ALS2CL: variants seen among roughly 807,000 people sequenced by gnomAD.
ALS2CL encodes ALS2 C-terminal like.
In ALS2CL, 112 loss-of-function variants were observed where a neutral mutation model predicts 127.9. The ratio of observed to expected loss-of-function variants is 0.88; its 90% CI spans 0.75 to 1.02. ALS2CL has a LOEUF of 1.02. Ranked by LOEUF, ALS2CL falls within the 50% of genes least tolerant of loss-of-function variation. The pLI is 0.00. For missense variants in ALS2CL, 1,174 were observed against 1,236.7 expected (o/e 0.95, Z 0.76); for synonymous variants, 519 against 527.6 (o/e 0.98, Z 0.22).
intron 25 of ALS2CL, 89 bp from the exon 26 acceptor site, chr3:46,671,153 C>T: frequency 7.3e-7 from 1 of 1,369,440 alleles, no homozygotes; most frequent in Non-Finnish European, 1.0e-6. Context: ...CTGTGTGCAC[C>T]CACCTCCCAA....
chr3:46,693,590 G>T (rs935156989), intron 1 of ALS2CL, 53 bp downstream of exon 1: 3 of 152,384 alleles, frequency 2.0e-5, no homozygotes. Context: ...GACGAGCTAA[G>T]CGTGGAGCGC....
chr3:46,693,059 T>G (rs1356345217), intron 1 of ALS2CL, among the ~76,000 whole-genome samples: 1 of 152,088 alleles, frequency 6.6e-6, no homozygotes, highest in Non-Finnish European at 1.5e-5. Context: ...GAGGGGGCGC[T>G]GAACTGTCAC....
chr3:46,689,184 G>A (rs554463784), intron 2 of ALS2CL, among the ~76,000 whole-genome samples, 154 bp downstream of exon 2: 16 of 152,310 alleles, frequency 1.1e-4, no homozygotes, highest in African/African-American at 2.9e-4. Context: ...AGCCAAGATC[G>A]CACCACCTGC....
In ALS2CL at chr3:46,672,206, A is replaced by C. The variant is rs1268792967; in HGVS notation, c.2473-5T>G. On this transcript the variant is annotated splice_region_variant and splice_polypyrimidine_tract_variant and intron_variant, in intron 22 of 25. Transcript: ENST00000318962. The stretch of plus-strand genomic sequence containing the variant: ...GTCCCTGACCAGGGAGTACCTCTGC[A>C]TGGTGGAGGGAGTGGGCTGGATGAG... 6.2e-7 allele frequency: 1 copy of C among 1,613,788 alleles called. No individual in the cohort carries two copies.
At chr3:46,693,332 T>C (rs934127282) in intron 1 of ALS2CL, among the ~76,000 whole-genome samples, 24 of 152,240 alleles carry the variant, frequency 1.6e-4, no homozygotes, top group Non-Finnish European at 3.1e-4. Flanking sequence ...CCTTCCGCCC[T>C]AACCAGCCGG....
chr3:46,676,566 T>C, intron 18 of ALS2CL, 76 bp downstream of exon 18: 1 of 1,564,164 alleles, frequency 6.4e-7, no homozygotes, highest in Non-Finnish European at 8.7e-7. Context: ...AGCACCCTGC[T>C]ATGAAAAATG....
chr3:46,693,479 G>A (rs1443705954), intron 1 of ALS2CL, 164 bp downstream of exon 1: 1 of 152,542 alleles, frequency 6.6e-6, no homozygotes, highest in Admixed American at 6.5e-5. Context: ...CTGTGAGCGG[G>A]GTATCTTACG....
intron 16 of ALS2CL, 61 bp from the exon 17 acceptor site, chr3:46,677,083 A>T: frequency 1.3e-6 from 2 of 1,538,114 alleles, no homozygotes; most frequent in South Asian, 2.5e-5. Flanking sequence ...GGTAGGCAGG[A>T]CTCTGCCCAG....
At chr3:46,676,185 C>A in intron 19 of ALS2CL, 60 bp downstream of exon 19, 11 of 1,574,998 alleles carry the variant, frequency 7.0e-6, no homozygotes, top group South Asian at 2.3e-5. Context: ...AGAACTGATG[C>A]CTGGAAAGGG....
rs116966100 is a variant in ALS2CL, at chr3:46,692,901, G to A, written c.-26+742C>T. Among the ~76,000 whole-genome samples, 445 of 152,332 alleles carry A rather than the reference G, an allele frequency of 2.9e-3. 25 individuals carry two copies. The East Asian group carries it at 0.075, about 26-fold the overall frequency. On this transcript the variant is annotated intron_variant, in intron 1 of 25. Coordinates refer to ENST00000318962, the MANE Select transcript of ALS2CL (RefSeq NM_147129.5). Reference sequence around the variant, plus strand: ...GCTCCTTAGGCCCCTGACACACCTTGTCGTGACACTCACTCACTCTGGTAT... The same window carrying A: ...GCTCCTTAGGCCCCTGACACACCTTATCGTGACACTCACTCACTCTGGTAT...
chr3:46,689,570 C>T (rs983997927), intron 1 of ALS2CL, 105 bp from the exon 2 acceptor site: 67 of 681,716 alleles, frequency 9.8e-5, no homozygotes, highest in Middle Eastern at 4.2e-4. Flanking sequence ...CCACCCACAT[C>T]AGAACTGAGC....
Position 46,681,686 on chromosome 3 carries a change from C to A in ALS2CL, c.1176-88G>T. 1 of 1,324,212 alleles carries A rather than the reference C, an allele frequency of 7.6e-7. No individual in the cohort carries two copies. Among genetic ancestry groups the A allele is most frequent in the South Asian group, 1.3e-5 (1 of 79,692 alleles). The allele number at this position is 1,324,212 out of a possible 1,614,324, so 82.0% of individuals were successfully genotyped here. A position where few individuals can be genotyped will look rare whatever the true frequency, so the allele number is the denominator to read the frequency against. Reference sequence around the variant, plus strand: ...CATGCCACCCAGGAGTATCCCTGCCCCCAAGGAGCCTTCCAGACAACAGGG... The same window carrying A: ...CATGCCACCCAGGAGTATCCCTGCCACCAAGGAGCCTTCCAGACAACAGGG... On this transcript the variant is annotated intron_variant, in intron 11 of 25. Transcript: ENST00000318962. The surrounding 1 kb of genome is among the most constrained non-coding windows in gnomAD (Gnocchi z 4.9).
chr3:46,683,966 T>C (rs540431383), intron 8 of ALS2CL, 23 bp downstream of exon 8: 2 of 1,605,996 alleles, frequency 1.2e-6, no homozygotes, highest in Admixed American at 1.7e-5. Flanking sequence ...AGGCCTGGGG[T>C]GTCAGCCGAG....
Position 46,679,449 on chromosome 3 carries a change from C to G in ALS2CL, c.1549-162G>C, listed in dbSNP as rs564124248. 426 of 569,844 alleles carry G rather than the reference C, an allele frequency of 7.5e-4. 2 individuals carry two copies. The highest frequency in any genetic ancestry group is 7.6e-4 in the Non-Finnish European group (258 of 337,740). The allele number at this position is 569,844 out of a possible 1,614,324, so 35.3% of individuals were successfully genotyped here. ...CACAGGACTGTACCTAATTGGGACT[C>G]TAGCCTTTGGCCTGCTAAGCACCAG... On this transcript the variant is annotated intron_variant, in intron 14 of 25. Transcript: ENST00000318962.
At chr3:46,690,850 C>T (rs539175203) in intron 1 of ALS2CL, among the ~76,000 whole-genome samples, 33 of 152,318 alleles carry the variant, frequency 2.2e-4, no homozygotes, top group African/African-American at 7.7e-4. Context: ...GAGTGCCATG[C>T]GGGCATCCCA....
In ALS2CL at chr3:46,671,503, C is replaced by A; in HGVS notation, c.2766G>T (p.Leu922=). 6.2e-7 allele frequency: 1 copy of A among 1,614,054 alleles called. No individual in the cohort carries two copies. Among genetic ancestry groups the A allele is most frequent in the Non-Finnish European group, 8.5e-7 (1 of 1,180,014 alleles). ...PNHTGGLYDF[L]LTALESCYEH... ...TGTCCCTTACCTCCAGGGCTGTGAG[C>A]AGGAAGTCATACAGGCCTCCTGTGT... The change falls in exon 25 of 26, where the codon CTG becomes CTT. Residue 922 remains leucine (L), a synonymous_variant. Transcript: ENST00000318962.
At chr3:46,682,782 G>A (rs574558008) in intron 10 of ALS2CL, among the ~76,000 whole-genome samples, 6 of 152,320 alleles carry the variant, frequency 3.9e-5, no homozygotes, top group African/African-American at 1.4e-4. Flanking sequence ...GAGGACCGAT[G>A]GAGATAGAAT....
rs1698339431 is a variant in ALS2CL, at chr3:46,671,020, G to T, written c.2826C>A (p.Arg942=). ...CCCTGGAGTGCCAGTGGCCAGGTAA[G>T]CGGTGCAGCCTCATGTCTTCTTTCT... ...HIQKEDMRLH[R]LPGHWHSREL... Residue 942 remains arginine, a synonymous_variant, in exon 26 of 26, where the codon CGC becomes CGA. Transcript: ENST00000318962. 1 of 1,614,118 alleles carries T rather than the reference G, an allele frequency of 6.2e-7. No homozygotes were observed. The highest frequency in any genetic ancestry group is 1.3e-5 in the African/African-American group (1 of 74,956).
In ALS2CL at chr3:46,686,445, G is replaced by A. The variant is rs369751772; in HGVS notation, c.535-6C>T. 21 of 1,611,416 alleles carry A rather than the reference G, an allele frequency of 1.3e-5. No homozygotes were observed. The African/African-American group carries it at 2.1e-4, about 16-fold the overall frequency. On this transcript the variant is annotated splice_region_variant and splice_polypyrimidine_tract_variant and intron_variant, in intron 5 of 25. Coordinates refer to ENST00000318962, the MANE Select transcript of ALS2CL (RefSeq NM_147129.5). The surrounding 1 kb of genome is among the most constrained non-coding windows in gnomAD (Gnocchi z 4.3). Reference sequence around the variant, plus strand: ...AGCTCCCGGGTTGGGTGATGCTGAAGGGGGACAGGGCAGCCAGTGAGAGGA... The same window carrying A: ...AGCTCCCGGGTTGGGTGATGCTGAAAGGGGACAGGGCAGCCAGTGAGAGGA...
Sources: allele counts gnomAD v4.1 joint callset (sites outside exome capture counted in the v4.1 genomes callset), GRCh38; gene constraint gnomAD v4.1.1; non-coding constraint Gnocchi (gnomAD v3.1); transcripts MANE v1.5; gene names NCBI Gene and HGNC (gene_info 2026-07-23, HGNC 2026-07-21).